CENPO: variants seen among roughly 807,000 people sequenced by gnomAD.
CENPO encodes the protein centromere protein O.
A neutral mutation model predicts 36.1 loss-of-function variants in CENPO; 30 were observed. The ratio of observed to expected loss-of-function variants is 0.83; its 90% CI spans 0.62 to 1.13. CENPO has a LOEUF of 1.13. Ranked by LOEUF, CENPO falls within the 50% of genes most tolerant of loss-of-function variation. The pLI is 0.00. For missense variants in CENPO, 349 were observed against 357.8 expected (o/e 0.98, Z 0.20); for synonymous variants, 171 against 142.3 (o/e 1.20, Z -1.44).
chr2:24,811,720 TAA>T (rs958059278), intron 3 of CENPO, among the ~76,000 whole-genome samples: 2 of 152,156 alleles, frequency 1.3e-5, no homozygotes, highest in African/African-American at 4.8e-5. Context: ...CTCGGCCTCC[TAA>T]AATGCTGGGA....
At chr2:24,818,392 A>T (rs896834258) in intron 7 of CENPO, among the ~76,000 whole-genome samples, 31 of 148,132 alleles carry the variant, frequency 2.1e-4, no homozygotes, top group South Asian at 8.5e-4. Flanking sequence ...TTTTTTTTTT[A>T]AAAGGAAAGT....
intron 3 of CENPO, among the ~76,000 whole-genome samples, chr2:24,808,239 CAG>C (rs1403166464): frequency 2.0e-5 from 3 of 151,716 alleles, no homozygotes. Flanking sequence ...GTTTTTGAGA[CAG>C]AGTCTCACTT....
chr2:24,820,252 G>C lies in CENPO; in HGVS notation c.*934G>C. ...ACGGGACACTCCCCAAACCTCCCAG[G>C]GCCAAGCCCTTCCACCCGTGGCGAG... is the stretch of plus-strand genomic sequence containing the variant. On this transcript the variant is annotated 3_prime_UTR_variant, in exon 8 of 8. Transcript: ENST00000380834. 8.3e-7 allele frequency: 1 copy of C among 1,202,848 alleles called. No individual in the cohort carries two copies. The highest frequency in any genetic ancestry group is 2.0e-5 in the South Asian group (1 of 50,770). 74.5% of individuals were successfully genotyped at this position (1,202,848 alleles called of 1,614,324 possible).
intron 7 of CENPO, among the ~76,000 whole-genome samples, chr2:24,818,282 C>T (rs1667054466): frequency 6.6e-6 from 1 of 152,120 alleles, no homozygotes; most frequent in African/African-American, 2.4e-5. Context: ...GCACTCCACT[C>T]AAACTGCAAT....
intron 6 of CENPO, 57 bp from the exon 7 acceptor site, chr2:24,817,613 C>T (rs1667013633): frequency 1.2e-5 from 19 of 1,608,492 alleles, no homozygotes; most frequent in Non-Finnish European, 1.5e-5. Context: ...TATCAGTGAT[C>T]CAGGCTCCGA....
At position 24,822,009 on chromosome 2, in the gene CENPO, T is replaced by C. The variant is rs1037467344; in HGVS notation, c.*2691T>C. The C allele has an allele frequency of 8.5e-6, 2 of 234,770 alleles. No homozygotes were observed. The highest frequency in any genetic ancestry group is 4.5e-5 in the African/African-American group (2 of 44,076). 14.5% of individuals were successfully genotyped at this position (234,770 alleles called of 1,614,324 possible). A position where few individuals can be genotyped will look rare whatever the true frequency, so the allele number is the denominator to read the frequency against. Reference sequence around the variant, plus strand: ...AGGGGGATGACCCGCCTTGGACGTGTTTCTTTAACCTCATCCATATAATAG... The same window carrying C: ...AGGGGGATGACCCGCCTTGGACGTGCTTCTTTAACCTCATCCATATAATAG... On this transcript the variant is annotated 3_prime_UTR_variant, in exon 8 of 8. Coordinates refer to ENST00000380834, the MANE Select transcript of CENPO (RefSeq NM_001322101.2).
intron 5 of CENPO, 35 bp downstream of exon 5, chr2:24,815,791 G>C (rs753762959): frequency 6.2e-7 from 1 of 1,602,032 alleles, no homozygotes; most frequent in Non-Finnish European, 8.5e-7. Flanking sequence ...CTCATCCGTG[G>C]GCCCAAGATC....
In CENPO at chr2:24,799,183, A is replaced by G. The variant is rs191693119; in HGVS notation, c.47-492A>G. ...GGCTAATTTTTTGTATTTTTAGTAAAGATGGGGTTTTGCCATGTTGGCCAG... is the reference window on the plus strand; with the variant it reads ...GGCTAATTTTTTGTATTTTTAGTAAGGATGGGGTTTTGCCATGTTGGCCAG... On this transcript the variant is annotated intron_variant, in intron 2 of 7. Transcript: ENST00000380834. Among the ~76,000 whole-genome samples, 487 of 152,044 alleles carry G rather than the reference A, an allele frequency of 3.2e-3. 4 individuals are homozygous for G. The highest frequency in any genetic ancestry group is 0.011 in the African/African-American group (451 of 41,476).
At chr2:24,817,529 C>G in intron 6 of CENPO, 141 bp from the exon 7 acceptor site, 4 of 1,115,522 alleles carry the variant, frequency 3.6e-6, no homozygotes, top group Non-Finnish European at 5.1e-6. Context: ...TCCGATTCCC[C>G]CAGCTGCACT....
At chr2:24,812,543 G>C (rs1666745242) in intron 3 of CENPO, among the ~76,000 whole-genome samples, 1 of 151,862 alleles carries the variant, frequency 6.6e-6, no homozygotes, top group African/African-American at 2.4e-5. Flanking sequence ...GGGTGTTTTT[G>C]TTTTTGTTTT....
rs775619011 is a variant in CENPO at position 24,821,617 on chromosome 2, G to C, written c.*2299G>C. The stretch of plus-strand genomic sequence containing the variant: ...CGGCCAGGTCAGCCAGGTGCTGCCA[G>C]CGCTCTCTCTCGGACTTGTCTTCCT... On this transcript the variant is annotated 3_prime_UTR_variant, in exon 8 of 8. Coordinates refer to ENST00000380834, the MANE Select transcript of CENPO (RefSeq NM_001322101.2). 15 of 1,614,042 alleles carry C rather than the reference G, an allele frequency of 9.3e-6. No homozygotes were observed. Among genetic ancestry groups the C allele is most frequent in the Non-Finnish European group, 8.5e-7 (1 of 1,180,044 alleles).
At chr2:24,805,888 C>T (rs1323632111) in intron 3 of CENPO, among the ~76,000 whole-genome samples, 1 of 152,242 alleles carries the variant, frequency 6.6e-6, no homozygotes, top group African/African-American at 2.4e-5. Context: ...GAGTTTTCTG[C>T]TGCCTTTTGT....
chr2:24,818,159 C>CG (rs72538281), intron 7 of CENPO, among the ~76,000 whole-genome samples: 2 of 152,238 alleles, frequency 1.3e-5, no homozygotes, highest in Non-Finnish European at 2.9e-5. Context: ...AGGGCATTAA[C>CG]TCTGGGAAAG....
chr2:24,797,274 T>C (rs1665948939), intron 2 of CENPO, among the ~76,000 whole-genome samples: 1 of 152,198 alleles, frequency 6.6e-6, no homozygotes, highest in South Asian at 2.1e-4. Context: ...TGGATAATGG[T>C]TCCAGTCATG....
At chr2:24,801,270 T>A (rs1666155056) in intron 3 of CENPO, among the ~76,000 whole-genome samples, 6 of 152,222 alleles carry the variant, frequency 3.9e-5, no homozygotes, top group Admixed American at 2.6e-4. Context: ...TCTCCCATTC[T>A]GTAGGTTGCC....
chr2:24,811,839 G>T (rs1558378445), intron 3 of CENPO, among the ~76,000 whole-genome samples: 1 of 152,046 alleles, frequency 6.6e-6, no homozygotes, highest in Non-Finnish European at 1.5e-5. Flanking sequence ...CTCATGATCT[G>T]CCCGCTTTGG....
chr2:24,800,027 T>C (rs535092502), intron 3 of CENPO, among the ~76,000 whole-genome samples, 183 bp downstream of exon 3: 17 of 152,362 alleles, frequency 1.1e-4, no homozygotes, highest in African/African-American at 4.1e-4. Context: ...GGCTCATGCC[T>C]GTAATCCCAG....
At chr2:24,800,391 A>G (rs893967504) in intron 3 of CENPO, among the ~76,000 whole-genome samples, 14 of 152,142 alleles carry the variant, frequency 9.2e-5, no homozygotes, top group Non-Finnish European at 1.9e-4. Context: ...TTTGTTACAT[A>G]TGTATACATG....
At chr2:24,799,868 A>G in intron 3 of CENPO, 24 bp downstream of exon 3, 6 of 1,610,880 alleles carry the variant, frequency 3.7e-6, no homozygotes, top group Non-Finnish European at 5.1e-6. Context: ...TGGTATCAGC[A>G]GTTCCTTTAG....
Sources: allele counts gnomAD v4.1 joint callset (sites outside exome capture counted in the v4.1 genomes callset), GRCh38; gene constraint gnomAD v4.1.1; transcripts MANE v1.5; gene names NCBI Gene and HGNC (gene_info 2026-07-23, HGNC 2026-07-21).